Variants in NPFFR2 observed in about 807,000 individuals in gnomAD.
NPFFR2 encodes G-protein coupled receptor 74.
NPFFR2 carries 15 observed loss-of-function variants against 13.1 expected under a neutral mutation model. The ratio of observed to expected loss-of-function variants is 1.15; its 90% CI spans 0.77 to 1.76. The LOEUF (loss-of-function observed/expected upper bound fraction) is 1.76, where lower values mean the gene tolerates loss of function less well. NPFFR2 is among the 40% of genes most tolerant of loss of function. The pLI, the probability that NPFFR2 is intolerant of heterozygous loss-of-function variation, is 0.00. For missense variants in NPFFR2, 572 were observed against 503.5 expected, an observed-to-expected ratio of 1.14 and a Z score of -1.30; for synonymous variants, 190 against 175.7, an observed-to-expected ratio of 1.08 and a Z score of -0.65.
At chr4:72,066,867 G>T (rs1426635334) in intron 1 of NPFFR2, among the ~76,000 whole-genome samples, 1 of 152,130 alleles carries the variant, frequency 6.6e-6, no homozygotes, top group African/African-American at 2.4e-5. Context: ...GATTGAAATT[G>T]GGTGCCTACA....
intron 1 of NPFFR2, among the ~76,000 whole-genome samples, chr4:72,058,518 G>T (rs2109772279): frequency 6.6e-6 from 1 of 152,122 alleles, no homozygotes; most frequent in Admixed American, 6.6e-5. Flanking sequence ...CTGGTCCCTG[G>T]CAACTAAGCC....
intron 3 of NPFFR2, among the ~76,000 whole-genome samples, chr4:72,142,191 G>T (rs1722650080): frequency 6.6e-6 from 1 of 152,140 alleles, no homozygotes. Context: ...ACGGCACAGT[G>T]ATGGGTCTTG....
intron 3 of NPFFR2, among the ~76,000 whole-genome samples, chr4:72,142,206 T>C (rs1181186115): frequency 2.0e-5 from 3 of 152,162 alleles, no homozygotes; most frequent in Non-Finnish European, 4.4e-5. Flanking sequence ...GTCTTGACTC[T>C]ATCCAATTTG....
At chr4:72,132,307 T>C (rs1158063723) in intron 2 of NPFFR2, among the ~76,000 whole-genome samples, 2 of 152,318 alleles carry the variant, frequency 1.3e-5, no homozygotes, top group African/African-American at 2.4e-5. Flanking sequence ...GCTCCATCCA[T>C]GTTCCGTCAA....
At chr4:72,118,197 C>T (rs1721766622) in intron 1 of NPFFR2, among the ~76,000 whole-genome samples, 1 of 152,134 alleles carries the variant, frequency 6.6e-6, no homozygotes. Flanking sequence ...CCCACTTCTG[C>T]TTTTTACTGA....
At chr4:72,089,898 G>A (rs574900146) in intron 1 of NPFFR2, among the ~76,000 whole-genome samples, 25 of 151,946 alleles carry the variant, frequency 1.6e-4, no homozygotes, top group Non-Finnish European at 3.5e-4. Flanking sequence ...CTTTGAATAA[G>A]CCAAGGTCTA....
At chr4:72,120,263 C>T (rs1721829881) in intron 1 of NPFFR2, among the ~76,000 whole-genome samples, 1 of 152,224 alleles carries the variant, frequency 6.6e-6, no homozygotes. Flanking sequence ...GCAGCCCAAA[C>T]AGGGGCTTAT....
intron 1 of NPFFR2, among the ~76,000 whole-genome samples, chr4:72,059,794 G>T (rs1399672829): frequency 1.3e-5 from 2 of 151,922 alleles, no homozygotes; most frequent in Non-Finnish European, 2.9e-5. Context: ...AGACCTACTG[G>T]GTCTACTGTG....
At chr4:72,121,240 A>G (rs1353928552) in intron 1 of NPFFR2, among the ~76,000 whole-genome samples, 8 of 152,164 alleles carry the variant, frequency 5.3e-5, no homozygotes, top group Non-Finnish European at 1.0e-4. Context: ...TCCAAGAAAT[A>G]TGGTACAATG....
chr4:72,050,366 A>G (rs1393670368), intron 1 of NPFFR2, among the ~76,000 whole-genome samples: 1 of 152,040 alleles, frequency 6.6e-6, no homozygotes, highest in Non-Finnish European at 1.5e-5. Context: ...CAAAAGTTAA[A>G]CTGAAAAACT....
At chr4:72,131,026 A>G (rs956285382) in intron 2 of NPFFR2, among the ~76,000 whole-genome samples, 2 of 151,804 alleles carry the variant, frequency 1.3e-5, no homozygotes, top group Admixed American at 6.6e-5. Context: ...CTCCTCTCCA[A>G]CCATAGTCTC....
At chr4:72,064,857 C>T (rs1257958867) in intron 1 of NPFFR2, among the ~76,000 whole-genome samples, 2 of 152,108 alleles carry the variant, frequency 1.3e-5, no homozygotes, top group African/African-American at 4.8e-5. Flanking sequence ...ACAATGATCA[C>T]CTGAGACATC....
intron 2 of NPFFR2, among the ~76,000 whole-genome samples, chr4:72,136,399 A>T (rs975104708): frequency 6.6e-6 from 1 of 151,500 alleles, no homozygotes; most frequent in African/African-American, 2.4e-5. Flanking sequence ...AAAACAAAAC[A>T]CCACCAGAAA....
At chr4:72,122,136 A>G (rs1721901563) in intron 1 of NPFFR2, among the ~76,000 whole-genome samples, 1 of 152,194 alleles carries the variant, frequency 6.6e-6, no homozygotes, top group Non-Finnish European at 1.5e-5. Context: ...TTAAACTGAC[A>G]AAGATCAAAA....
intron 1 of NPFFR2, among the ~76,000 whole-genome samples, chr4:72,074,599 G>A (rs1204046127): frequency 6.6e-6 from 1 of 151,994 alleles, no homozygotes; most frequent in East Asian, 1.9e-4. Context: ...GGGTCTGGGA[G>A]CGTATCCCCT....
chr4:72,044,005 G>T (rs991173273), intron 1 of NPFFR2, among the ~76,000 whole-genome samples: 1 of 152,140 alleles, frequency 6.6e-6, no homozygotes, highest in Non-Finnish European at 1.5e-5. Context: ...ATTGAATCAC[G>T]GGGGCACTTA....
intron 1 of NPFFR2, among the ~76,000 whole-genome samples, chr4:72,047,453 T>C (rs1578420524): frequency 6.6e-6 from 1 of 152,112 alleles, no homozygotes; most frequent in Admixed American, 6.6e-5. Flanking sequence ...ATTCTAGCAA[T>C]GTGCCCCTAG....
chr4:72,056,145 C>T (rs1477428544), intron 1 of NPFFR2, among the ~76,000 whole-genome samples: 1 of 152,016 alleles, frequency 6.6e-6, no homozygotes, highest in Non-Finnish European at 1.5e-5. Context: ...CCATTGAGGA[C>T]TTTCATAGCT....
chr4:72,143,472 C>T (rs904607168), intron 3 of NPFFR2, among the ~76,000 whole-genome samples: 5 of 152,194 alleles, frequency 3.3e-5, no homozygotes, highest in Admixed American at 6.5e-5. Flanking sequence ...CCTTCCTCTA[C>T]TTCTTGTTCT....
Sources: gnomAD v4.1 joint callset for allele counts (sites outside exome capture counted in the v4.1 genomes callset) on GRCh38, gnomAD v4.1.1 for gene constraint, MANE v1.5 for transcripts, NCBI Gene and HGNC (gene_info 2026-07-23, HGNC 2026-07-21) for gene names.